OSBPL1A: variants seen among roughly 807,000 people sequenced by gnomAD.
The protein encoded by OSBPL1A is oxysterol binding protein like 1A, also known as oxysterol-binding protein-related protein 1.
OSBPL1A carries 80 observed loss-of-function variants against 137.1 expected under a neutral mutation model. That is an observed-to-expected ratio of 0.58 (90% confidence interval 0.49 to 0.70). The LOEUF is 0.70. OSBPL1A is among the 30% of genes least tolerant of loss of function. The probability of loss-of-function intolerance (pLI) is 0.00; values close to 1 mark genes in which losing one functional copy is unlikely to be tolerated. For missense variants in OSBPL1A, 970 were observed against 1,129.4 expected (o/e 0.86, Z 2.02); for synonymous variants, 365 against 389.7 (o/e 0.94, Z 0.75).
rs544714977 is a variant in OSBPL1A, at chr18:24,271,806, T to C, written c.1281+9036A>G. 2 of 985,342 alleles carry C rather than the reference T, an allele frequency of 2.0e-6. No homozygotes were observed. The highest frequency in any genetic ancestry group is 3.5e-5 in the African/African-American group (2 of 57,344). The allele number at this position is 985,342 out of a possible 1,614,324, so 61.0% of individuals were successfully genotyped here. ...AAGTCACCTTTGCGCAGCCTGCCCCTGGCTCCGGCCGGGCAGCAGCGCCAG... is the reference window on the plus strand; with the variant it reads ...AAGTCACCTTTGCGCAGCCTGCCCCCGGCTCCGGCCGGGCAGCAGCGCCAG... On this transcript the variant is annotated intron_variant, in intron 15 of 27. Transcript: ENST00000319481. The surrounding 1 kb of genome is among the most constrained non-coding windows in gnomAD (Gnocchi z 4.0).
intron 15 of OSBPL1A, among the ~76,000 whole-genome samples, chr18:24,269,851 AACAC>A (rs147895357): frequency 0.011 from 1,590 of 140,052 alleles, 17 homozygotes; most frequent in African/African-American, 0.031. Flanking sequence ...TGACAAGCCT[AACAC>A]ACACACACAC....
At chr18:24,272,448 A>G (rs944825247) in intron 15 of OSBPL1A, among the ~76,000 whole-genome samples, 1 of 152,088 alleles carries the variant, frequency 6.6e-6, no homozygotes, top group African/African-American at 2.4e-5. Flanking sequence ...GCAACAAGGA[A>G]AACAACGGTA....
At chr18:24,186,797 G>A (rs549244180) in intron 18 of OSBPL1A, among the ~76,000 whole-genome samples, 167 of 150,952 alleles carry the variant, frequency 1.1e-3, no homozygotes, top group Middle Eastern at 6.9e-3. Flanking sequence ...CTAGCTACTC[G>A]GGAGGCTGAG....
intron 15 of OSBPL1A, chr18:24,272,318 T>G: frequency 1.0e-6 from 1 of 973,712 alleles, no homozygotes; most frequent in Non-Finnish European, 1.2e-6. Flanking sequence ...GAATCTTCTC[T>G]CCAGTCCTGC....
chr18:24,376,908 A>C (rs575781418), intron 2 of OSBPL1A, among the ~76,000 whole-genome samples: 140 of 152,304 alleles, frequency 9.2e-4, no homozygotes, highest in African/African-American at 3.2e-3. Context: ...CCACGCCCAC[A>C]CGGAACTCCA....
chr18:24,179,041 G>C lies in OSBPL1A; in HGVS notation c.1910+697C>G, dbSNP rs375175344. The C allele has an allele frequency of 2.1e-4, 32 of 152,248 alleles. No individual in the cohort carries two copies. In the East Asian group the frequency reaches 2.9e-3, roughly 14 times the overall value. 9.4% of individuals were successfully genotyped at this position (152,248 alleles called of 1,614,324 possible). On this transcript the variant is annotated intron_variant, in intron 20 of 27. Coordinates refer to ENST00000319481, the MANE Select transcript of OSBPL1A (RefSeq NM_080597.4). Reference sequence around the variant, plus strand: ...TTAATAAAGAGATATTTTTATAAGAGGGCCTCACTGTTGCCCAGGCTGGAG... The same window carrying C: ...TTAATAAAGAGATATTTTTATAAGACGGCCTCACTGTTGCCCAGGCTGGAG...
At chr18:24,251,264 A>G (rs925799820) in intron 15 of OSBPL1A, among the ~76,000 whole-genome samples, 2 of 152,180 alleles carry the variant, frequency 1.3e-5, no homozygotes, top group African/African-American at 2.4e-5. Flanking sequence ...TTGAGTGACC[A>G]TAAGTGGTAG....
At chr18:24,359,236 CAGAGAG>C (rs541764856) in intron 4 of OSBPL1A, among the ~76,000 whole-genome samples, 3 of 151,232 alleles carry the variant, frequency 2.0e-5, no homozygotes, top group Non-Finnish European at 4.4e-5. Context: ...GAGACAGAGA[CAGAGAG>C]AGAAAGAGAG....
chr18:24,379,827 C>A (rs768864480), intron 1 of OSBPL1A, among the ~76,000 whole-genome samples: 1 of 147,586 alleles, frequency 6.8e-6, no homozygotes, highest in Non-Finnish European at 1.5e-5. Context: ...GCTGAGATCA[C>A]GCCACTGCAC....
At chr18:24,290,702 A>C (rs1356330831) in intron 14 of OSBPL1A, among the ~76,000 whole-genome samples, 4 of 152,102 alleles carry the variant, frequency 2.6e-5, no homozygotes, top group East Asian at 1.9e-4. Flanking sequence ...AATAAATAAT[A>C]AATAAATAAA....
chr18:24,183,379 T>C (rs2086659096), intron 18 of OSBPL1A, among the ~76,000 whole-genome samples: 1 of 152,064 alleles, frequency 6.6e-6, no homozygotes, highest in Admixed American at 6.6e-5. Context: ...TACACACATA[T>C]GCATACATAC....
chr18:24,166,541 A>G (rs373226714), intron 26 of OSBPL1A, 38 bp downstream of exon 26: 179 of 1,581,506 alleles, frequency 1.1e-4, no homozygotes, highest in Non-Finnish European at 1.4e-4. Flanking sequence ...CCCCCGAGAA[A>G]TGAGTCTTCA....
intron 14 of OSBPL1A, chr18:24,301,438 A>C (rs1432948939): frequency 6.6e-6 from 1 of 152,240 alleles, no homozygotes; most frequent in Non-Finnish European, 1.5e-5. Context: ...ATTTCGTATC[A>C]CTGGACTTTT....
chr18:24,299,379 T>C lies in OSBPL1A; in HGVS notation c.1174+4258A>G, dbSNP rs1249136185. Among the ~76,000 whole-genome samples the C allele has an allele frequency of 2.6e-5, 4 of 152,220 alleles. No homozygotes were observed. In the East Asian group the frequency reaches 7.7e-4, roughly 29 times the overall value. On this transcript the variant is annotated intron_variant, in intron 14 of 27. Coordinates refer to ENST00000319481, the MANE Select transcript of OSBPL1A (RefSeq NM_080597.4). ...TCTATTTTGGTACATATTGAGCTTT[T>C]GTTTCACAATTTAGAACTCCTTTTG...
chr18:24,384,128 G>A (rs908028388), intron 1 of OSBPL1A, among the ~76,000 whole-genome samples: 21 of 152,348 alleles, frequency 1.4e-4, no homozygotes, highest in African/African-American at 5.1e-4. Flanking sequence ...CAAGATCACA[G>A]GGGTGAACAA....
At chr18:24,342,595 C>T (rs1410093194) in intron 4 of OSBPL1A, among the ~76,000 whole-genome samples, 1 of 152,090 alleles carries the variant, frequency 6.6e-6, no homozygotes, top group Non-Finnish European at 1.5e-5. Context: ...TGGGCCATGA[C>T]GTCCATTTCC....
At chr18:24,237,284 T>C (rs1345144122) in intron 16 of OSBPL1A, among the ~76,000 whole-genome samples, 1 of 152,078 alleles carries the variant, frequency 6.6e-6, no homozygotes, top group East Asian at 1.9e-4. Flanking sequence ...AAACATGGGG[T>C]TCTTAAATAA....
At chr18:24,298,200 G>A (rs1256308888) in intron 14 of OSBPL1A, among the ~76,000 whole-genome samples, 1 of 152,134 alleles carries the variant, frequency 6.6e-6, no homozygotes, top group Admixed American at 6.5e-5. Context: ...GGTCTAAAAA[G>A]GGGAGGCATG....
intron 14 of OSBPL1A, among the ~76,000 whole-genome samples, chr18:24,293,325 C>A (rs1352484295): frequency 6.6e-6 from 1 of 151,944 alleles, no homozygotes; most frequent in Non-Finnish European, 1.5e-5. Flanking sequence ...AGTGGCCAGG[C>A]AGAGGAACCC....
Sources: allele counts gnomAD v4.1 joint callset (sites outside exome capture counted in the v4.1 genomes callset), GRCh38; gene constraint gnomAD v4.1.1; non-coding constraint Gnocchi (gnomAD v3.1); transcripts MANE v1.5; gene names NCBI Gene and HGNC (gene_info 2026-07-23, HGNC 2026-07-21).